The following GPRC5C variants were observed in gnomAD, a reference collection of about 807,000 sequenced individuals.
GPRC5C encodes the protein G protein-coupled receptor family C group 5 member C.
Under a neutral mutation model 31.4 loss-of-function variants are expected in GPRC5C, and 22 were observed. That is an observed-to-expected ratio of 0.70 (90% confidence interval 0.50 to 1.00). The LOEUF (loss-of-function observed/expected upper bound fraction) is 1.00, where lower values mean the gene tolerates loss of function less well. GPRC5C is among the 50% of genes least tolerant of loss of function. The pLI, the probability that GPRC5C is intolerant of heterozygous loss-of-function variation, is 0.00. For missense variants in GPRC5C, 557 were observed against 597.2 expected (o/e 0.93, Z 0.70); for synonymous variants, 249 against 257.5 (o/e 0.97, Z 0.32).
intron 1 of GPRC5C, among the ~76,000 whole-genome samples, chr17:74,435,749 G>A (rs574945965): frequency 9.8e-5 from 15 of 152,338 alleles, no homozygotes; most frequent in Admixed American, 3.3e-4. Context: ...TGGGCTTCTT[G>A]GAGCCAGCAG....
chr17:74,449,754 A>C, downstream of GPRC5C: 1 of 183,208 alleles, frequency 5.5e-6, no homozygotes, highest in East Asian at 1.7e-4. Context: ...CCCCGTCTTG[A>C]CTCTGGACCT....
chr17:74,449,002 AG>A, downstream of GPRC5C: 2 of 866,936 alleles, frequency 2.3e-6, no homozygotes, highest in South Asian at 1.4e-5. Flanking sequence ...AGACTTTGCC[AG>A]GGGGCTGCCA....
In GPRC5C at chr17:74,443,846, G is replaced by A. The variant is rs2144437847; in HGVS notation, c.1080G>A (p.Gly360=). ...AAKRPVSPYS[G]YNGQLLTSVY... The stretch of plus-strand genomic sequence containing the variant: ...AGAGGCCGGTGTCACCATACAGCGG[G>A]TACAATGGGCAGCTGCTGACCAGTG... Residue 360 remains glycine (G), a synonymous_variant, in exon 3 of 4, where the codon GGG becomes GGA. Transcript: ENST00000392627. The A allele has an allele frequency of 1.2e-6, 2 of 1,613,444 alleles. No homozygotes were observed. The highest frequency in any genetic ancestry group is 8.5e-7 in the Non-Finnish European group (1 of 1,179,438).
chr17:74,438,911 G>A (rs1233055351), intron 1 of GPRC5C, among the ~76,000 whole-genome samples: 2 of 152,200 alleles, frequency 1.3e-5, no homozygotes, highest in African/African-American at 4.8e-5. Context: ...GTCAGTAGAT[G>A]GAGTGAAAAT....
chr17:74,441,041 A>G (rs369087392), intron 2 of GPRC5C, among the ~76,000 whole-genome samples: 6 of 151,430 alleles, frequency 4.0e-5, no homozygotes, highest in African/African-American at 1.5e-4. Context: ...TTGGGAGGCC[A>G]AGGCGGGTGG....
chr17:74,442,089 G>A (rs573488824), intron 2 of GPRC5C, among the ~76,000 whole-genome samples: 4 of 152,124 alleles, frequency 2.6e-5, no homozygotes, highest in South Asian at 2.1e-4. Flanking sequence ...TGCAACCTCC[G>A]CCTCCCGGGC....
intron 1 of GPRC5C, among the ~76,000 whole-genome samples, chr17:74,434,907 G>A (rs2055409557): frequency 6.8e-6 from 1 of 146,850 alleles, no homozygotes; most frequent in South Asian, 2.2e-4. Flanking sequence ...TGGGCAACAA[G>A]AGTGAAGCTT....
At chr17:74,448,865 G>T, downstream of GPRC5C, 1 of 1,289,818 alleles carries the variant, frequency 7.8e-7, no homozygotes, top group Non-Finnish European at 1.0e-6. Flanking sequence ...CACCAACCAG[G>T]TTTTCCTAAG....
rs985663634 is a variant in GPRC5C, at chr17:74,432,094, TC to T, written c.-77del. ...CCCACACGCCGGCAGGGCCAGAAAC[TC>T]CCATCTCCCTCACCAGCCGGAAAGT... is the stretch of plus-strand genomic sequence containing the variant. On this transcript the variant is annotated 5_prime_UTR_variant, in exon 1 of 4. Coordinates refer to ENST00000392627, the MANE Select transcript of GPRC5C (RefSeq NM_022036.4). The T allele has an allele frequency of 6.2e-7, 1 of 1,613,092 alleles. No individual in the cohort carries two copies.
chr17:74,449,361 A>G, downstream of GPRC5C: 2 of 1,301,738 alleles, frequency 1.5e-6, no homozygotes, highest in Non-Finnish European at 2.0e-6. Context: ...GTAAAACGAG[A>G]TGGTAGAAGC....
chr17:74,446,680 C>G (rs972532726), intron 3 of GPRC5C, 169 bp from the exon 4 acceptor site: 4 of 598,216 alleles, frequency 6.7e-6, no homozygotes, highest in South Asian at 4.0e-5. Flanking sequence ...GGGCTCAGGT[C>G]TGGCTGTCCC....
intron 1 of GPRC5C, among the ~76,000 whole-genome samples, chr17:74,433,386 G>A (rs1304249031): frequency 6.6e-6 from 1 of 151,996 alleles, no homozygotes; most frequent in South Asian, 2.1e-4. Flanking sequence ...CCTGGTCTTG[G>A]TGCGGGGCAG....
At chr17:74,447,435 G>T, downstream of GPRC5C, 1 of 875,868 alleles carries the variant, frequency 1.1e-6, no homozygotes, top group African/African-American at 1.8e-5. Context: ...ATTAACTCTT[G>T]CTCTGGGATT....
chr17:74,448,809 GC>G (rs1567966862), downstream of GPRC5C: 3 of 1,158,118 alleles, frequency 2.6e-6, no homozygotes, highest in East Asian at 5.7e-5. Context: ...TAGTTCTACC[GC>G]CCCCTTTTAC....
chr17:74,444,395 G>A (rs188584387), intron 3 of GPRC5C, among the ~76,000 whole-genome samples: 7 of 152,298 alleles, frequency 4.6e-5, no homozygotes, highest in Non-Finnish European at 7.4e-5. Context: ...AGCAAGTCTC[G>A]ACCTTACACC....
chr17:74,436,981 C>A (rs938394529), intron 1 of GPRC5C, among the ~76,000 whole-genome samples: 2 of 152,206 alleles, frequency 1.3e-5, no homozygotes, highest in Non-Finnish European at 2.9e-5. Flanking sequence ...CTCGCTCCGT[C>A]ACCCAGGCTG....
chr17:74,443,545 G>C (rs1401835043), intron 2 of GPRC5C: 4 of 601,328 alleles, frequency 6.7e-6, no homozygotes, highest in Admixed American at 4.4e-5. Flanking sequence ...CTGAGCTGTT[G>C]GGTCAGGGGC....
chr17:74,433,155 C>T (rs915196122), intron 1 of GPRC5C, among the ~76,000 whole-genome samples: 2 of 152,124 alleles, frequency 1.3e-5, no homozygotes, highest in Non-Finnish European at 2.9e-5. Context: ...CACTTACAAA[C>T]TCCACGATCA....
intron 1 of GPRC5C, among the ~76,000 whole-genome samples, chr17:74,437,233 A>G (rs2055445315): frequency 6.6e-6 from 1 of 151,972 alleles, no homozygotes; most frequent in South Asian, 2.1e-4. Flanking sequence ...CACCCAGCCT[A>G]CTCCTTACCT....
Sources: gnomAD v4.1 joint callset for allele counts (sites outside exome capture counted in the v4.1 genomes callset) on GRCh38, gnomAD v4.1.1 for gene constraint, MANE v1.5 for transcripts, NCBI Gene and HGNC (gene_info 2026-07-23, HGNC 2026-07-21) for gene names.